Variants in MPPED1 observed in about 807,000 individuals in gnomAD.
MPPED1 encodes the protein metallophosphoesterase domain containing 1, also known as metallophosphoesterase domain-containing protein 1.
MPPED1 carries 16 observed loss-of-function variants against 36.2 expected under a neutral mutation model. The observed-to-expected ratio is 0.44, with a 90% CI of 0.30 to 0.67. The LOEUF (loss-of-function observed/expected upper bound fraction) is 0.67. Ranked by LOEUF, MPPED1 falls within the 30% of genes least tolerant of loss-of-function variation. The pLI, the probability that MPPED1 is intolerant of heterozygous loss-of-function variation, is 0.10. For missense variants in MPPED1, 307 were observed against 453.4 expected (o/e 0.68, Z 2.93); for synonymous variants, 199 against 191.3 (o/e 1.04, Z -0.33).
intron 3 of MPPED1, among the ~76,000 whole-genome samples, chr22:43,457,717 T>G (rs1487172731): frequency 2.6e-5 from 4 of 152,202 alleles, no homozygotes; most frequent in Non-Finnish European, 5.9e-5. Context: ...TAAATTTTTT[T>G]TACCTTATAA....
intron 3 of MPPED1, among the ~76,000 whole-genome samples, chr22:43,463,819 CTT>C (rs1480549521): frequency 1.2e-5 from 1 of 83,466 alleles, no homozygotes; most frequent in Non-Finnish European, 2.7e-5. Flanking sequence ...TTCTTTCTTT[CTT>C]TCTTTCTTTC....
intron 4 of MPPED1, among the ~76,000 whole-genome samples, chr22:43,479,914 G>A (rs948051492): frequency 2.0e-5 from 3 of 152,158 alleles, no homozygotes; most frequent in Non-Finnish European, 4.4e-5. Context: ...CCTAGCTGGA[G>A]TACAGTGGTA....
chr22:43,460,242 CAA>C (rs1930902787), intron 3 of MPPED1, among the ~76,000 whole-genome samples: 7 of 131,054 alleles, frequency 5.3e-5, no homozygotes, highest in Non-Finnish European at 8.0e-5. Context: ...AAAACAAAAA[CAA>C]AAACAAAAAC....
intron 3 of MPPED1, among the ~76,000 whole-genome samples, chr22:43,442,629 G>T (rs1004071219): frequency 2.6e-5 from 4 of 152,190 alleles, no homozygotes; most frequent in Non-Finnish European, 5.9e-5. Context: ...AGTCCATCAG[G>T]CCTCATGCTG....
At chr22:43,480,477 T>C (rs900815618) in intron 4 of MPPED1, among the ~76,000 whole-genome samples, 3 of 152,216 alleles carry the variant, frequency 2.0e-5, no homozygotes, top group Non-Finnish European at 4.4e-5. Context: ...TCTCTTCCCA[T>C]GTTGATTGGC....
At chr22:43,412,361 G>C (rs917045367) in intron 1 of MPPED1, among the ~76,000 whole-genome samples, 2 of 151,664 alleles carry the variant, frequency 1.3e-5, no homozygotes, top group Non-Finnish European at 2.9e-5. Flanking sequence ...GGCGGCGGGA[G>C]GGGGCTCCGC....
At chr22:43,491,037 G>T (rs1466661490) in intron 4 of MPPED1, among the ~76,000 whole-genome samples, 2 of 152,204 alleles carry the variant, frequency 1.3e-5, no homozygotes, top group Non-Finnish European at 2.9e-5. Context: ...TAATTAAATA[G>T]AAATATATTT....
chr22:43,505,213 G>C (rs1932784748), intron 6 of MPPED1, among the ~76,000 whole-genome samples: 1 of 152,084 alleles, frequency 6.6e-6, no homozygotes, highest in Non-Finnish European at 1.5e-5. Flanking sequence ...TGGTGGTGAA[G>C]ATGATGTCGA....
chr22:43,464,129 G>A (rs1156613105), intron 3 of MPPED1, among the ~76,000 whole-genome samples: 1 of 151,870 alleles, frequency 6.6e-6, no homozygotes, highest in African/African-American at 2.4e-5. Flanking sequence ...GGCTGGTCTT[G>A]AACTCCTGAC....
intron 4 of MPPED1, among the ~76,000 whole-genome samples, chr22:43,497,931 A>G (rs549169895): frequency 1.0e-3 from 130 of 129,896 alleles, no homozygotes; most frequent in African/African-American, 2.3e-3. Flanking sequence ...ATATATATGT[A>G]TATGTATATA....
intron 3 of MPPED1, among the ~76,000 whole-genome samples, chr22:43,467,736 C>T (rs571333245): frequency 1.3e-5 from 2 of 152,166 alleles, no homozygotes; most frequent in Non-Finnish European, 2.9e-5. Flanking sequence ...CTGTGTTCTG[C>T]GAGATGGGAA....
Position 43,502,782 on chromosome 22 carries a change from C to T in MPPED1, c.862+25C>T. On this transcript the variant is annotated intron_variant, in intron 6 of 6. Transcript: ENST00000443721. The surrounding 1 kb of genome is among the most constrained non-coding windows in gnomAD (Gnocchi z 5.5). The stretch of plus-strand genomic sequence containing the variant: ...GGTCAGTACGTAGCGGAGACAGGCA[C>T]CTCACGGGCTAGGGGCTCCTAATGG... The T allele has an allele frequency of 6.2e-7, 1 of 1,600,612 alleles. No individual in the cohort carries two copies. Among genetic ancestry groups the T allele is most frequent in the Non-Finnish European group, 8.6e-7 (1 of 1,168,524 alleles).
chr22:43,495,521 GAGGTGGTGGTGGTGGAGA>G, intron 4 of MPPED1, among the ~76,000 whole-genome samples: 1 of 111,166 alleles, frequency 9.0e-6, no homozygotes, highest in African/African-American at 3.4e-5. Context: ...GGTGGTGGTG[GAGGTGGTGGTGGTGGAGA>G]TGGTGGTGGT....
At chr22:43,500,180 GGTGATGGTGATGGAGGTGGTA>G (rs1569091658) in intron 5 of MPPED1, among the ~76,000 whole-genome samples, 6 of 36,086 alleles carry the variant, frequency 1.7e-4, no homozygotes, top group South Asian at 7.2e-4. Flanking sequence ...TGGAGGTGGT[GGTGATGGTGATGGAGGTGGTA>G]ATGGAGGTGG....
At chr22:43,491,771 GGTA>G (rs1234078152) in intron 4 of MPPED1, among the ~76,000 whole-genome samples, 83 of 139,840 alleles carry the variant, frequency 5.9e-4, no homozygotes, top group Admixed American at 1.1e-3. Context: ...TGATGGAGGT[GGTA>G]ATGGAGGTGG....
chr22:43,440,524 G>A (rs1221395435), intron 3 of MPPED1, among the ~76,000 whole-genome samples: 2 of 152,212 alleles, frequency 1.3e-5, no homozygotes, highest in Non-Finnish European at 2.9e-5. Flanking sequence ...CTTTCCCAAG[G>A]CAAGAATGCC....
At chr22:43,426,296 G>A (rs1929467916) in intron 2 of MPPED1, among the ~76,000 whole-genome samples, 1 of 152,030 alleles carries the variant, frequency 6.6e-6, no homozygotes, top group African/African-American at 2.4e-5. Flanking sequence ...CCCCTTGGCT[G>A]TTGTACCTTC....
chr22:43,494,863 TGAGGA>T (rs1452621444), intron 4 of MPPED1, among the ~76,000 whole-genome samples: 1 of 152,156 alleles, frequency 6.6e-6, no homozygotes, highest in Admixed American at 6.6e-5. Flanking sequence ...CCATGTCTGG[TGAGGA>T]CCCACTTCCT....
intron 4 of MPPED1, among the ~76,000 whole-genome samples, chr22:43,497,454 C>A (rs1228780712): frequency 6.6e-6 from 1 of 152,054 alleles, no homozygotes; most frequent in African/African-American, 2.4e-5. Flanking sequence ...CTGCCCACAG[C>A]TCCCAAGGCT....
Sources: gnomAD v4.1 joint callset for allele counts (sites outside exome capture counted in the v4.1 genomes callset) on GRCh38, gnomAD v4.1.1 for gene constraint, Gnocchi (gnomAD v3.1) non-coding constraint, MANE v1.5 for transcripts, NCBI Gene and HGNC (gene_info 2026-07-23, HGNC 2026-07-21) for gene names.